Variants in DNAH7 observed in about 807,000 individuals in gnomAD.
The protein encoded by DNAH7 is axonemal beta dynein heavy chain 7.
Under a neutral mutation model 444.6 loss-of-function variants are expected in DNAH7, and 397 were observed. That is an observed-to-expected ratio of 0.89 (90% confidence interval 0.82 to 0.97). The LOEUF (loss-of-function observed/expected upper bound fraction) is 0.97, where lower values mean the gene tolerates loss of function less well. Among genes scored for constraint, DNAH7 ranks in the 50% least tolerant of loss-of-function variants. The probability of loss-of-function intolerance (pLI) is 0.00; values close to 1 mark genes in which losing one functional copy is unlikely to be tolerated. For synonymous variants in DNAH7, 1,636 were observed against 1,624.4 expected, an observed-to-expected ratio of 1.01 and a Z score of -0.17; for missense variants, 4,902 against 4,800.8, an observed-to-expected ratio of 1.02 and a Z score of -0.62.
intron 12 of DNAH7, chr2:195,994,569 TTG>T (rs878981168): frequency 1.4e-4 from 67 of 486,316 alleles, no homozygotes; most frequent in South Asian, 1.1e-3. Context: ...TTTCACTGGA[TTG>T]TGTGTTTCCA....
intron 15 of DNAH7, among the ~76,000 whole-genome samples, chr2:195,983,653 G>A (rs1692717861): frequency 6.6e-6 from 1 of 151,952 alleles, no homozygotes; most frequent in African/African-American, 2.4e-5. Flanking sequence ...GATTTGGAGG[G>A]GACAAGCATT....
chr2:195,840,885 A>G (rs1464848544), intron 47 of DNAH7, among the ~76,000 whole-genome samples: 1 of 151,884 alleles, frequency 6.6e-6, no homozygotes, highest in African/African-American at 2.4e-5. Flanking sequence ...CTTAGATTCA[A>G]TTAGTACCAA....
intron 15 of DNAH7, among the ~76,000 whole-genome samples, chr2:195,983,937 G>A (rs771068939): frequency 1.1e-4 from 17 of 152,166 alleles, no homozygotes; most frequent in African/African-American, 2.9e-4. Context: ...TAATTGTTGC[G>A]TGTTCTCAAA....
At chr2:195,775,104 C>G (rs1275643993) in intron 60 of DNAH7, among the ~76,000 whole-genome samples, 1 of 152,172 alleles carries the variant, frequency 6.6e-6, no homozygotes, top group African/African-American at 2.4e-5. Flanking sequence ...GTTCTGGTCT[C>G]TTTACCTCTG....
chr2:195,740,327 A>G (rs1028181153), intron 64 of DNAH7, among the ~76,000 whole-genome samples: 1 of 152,166 alleles, frequency 6.6e-6, no homozygotes, highest in South Asian at 2.1e-4. Context: ...TAGAGAAAAT[A>G]TTAGCTCATG....
chr2:195,910,829 T>C (rs901961221), intron 24 of DNAH7, among the ~76,000 whole-genome samples: 2 of 152,142 alleles, frequency 1.3e-5, no homozygotes, highest in Admixed American at 6.6e-5. Flanking sequence ...GAGTCAATTA[T>C]GGAAGAGACA....
chr2:195,824,017 C>G (rs1025306140), intron 49 of DNAH7, among the ~76,000 whole-genome samples: 3 of 152,060 alleles, frequency 2.0e-5, no homozygotes, highest in African/African-American at 7.2e-5. Context: ...AGAATCATAT[C>G]AATTGTAGAA....
At chr2:196,066,694 C>T (rs16844476) in intron 1 of DNAH7, among the ~76,000 whole-genome samples, 1 of 152,184 alleles carries the variant, frequency 6.6e-6, no homozygotes, top group South Asian at 2.1e-4. Flanking sequence ...ACTGCTATTC[C>T]TGAAAAATTC....
intron 1 of DNAH7, chr2:196,063,802 T>C (rs539099838): frequency 1.3e-5 from 2 of 152,366 alleles, no homozygotes; most frequent in South Asian, 2.1e-4. Flanking sequence ...CCAAAGGCAC[T>C]TGGCCAAAAT....
chr2:195,900,512 G>C lies in DNAH7; in HGVS notation c.4336-18C>G, dbSNP rs767895747. 4 of 1,607,934 alleles carry C rather than the reference G, an allele frequency of 2.5e-6. No individual in the cohort carries two copies. Among genetic ancestry groups the C allele is most frequent in the South Asian group, 1.1e-5 (1 of 90,872 alleles). ...AAGAGAGCCTATGGGTAGGTAGAAA[G>C]TTACTTTTAAAAGGATCATCATAAA... is the stretch of plus-strand genomic sequence containing the variant. On this transcript the variant is annotated intron_variant, in intron 27 of 64. Coordinates refer to ENST00000312428, the MANE Select transcript of DNAH7 (RefSeq NM_018897.3).
Position 195,862,991 on chromosome 2 carries a change from G to A in DNAH7, c.7507-1045C>T, listed in dbSNP as rs1043898837. 2.6e-5 allele frequency among the ~76,000 whole-genome samples: 4 copies of A among 152,262 alleles called. No individual in the cohort carries two copies. The South Asian group carries it at 8.3e-4, about 32-fold the overall frequency. ...GCAGAGGTTGCAGTGAGCCAAGATT[G>A]TACCACTGCACTCCAGCCAGGGTGA... On this transcript the variant is annotated intron_variant, in intron 41 of 64. Transcript: ENST00000312428.
intron 61 of DNAH7, among the ~76,000 whole-genome samples, chr2:195,768,454 A>G (rs1466467994): frequency 6.6e-6 from 1 of 151,908 alleles, no homozygotes; most frequent in East Asian, 1.9e-4. Flanking sequence ...GTATATTATC[A>G]TAACCACTGG....
At position 195,858,769 on chromosome 2, in the gene DNAH7, C is replaced by T. The variant is rs1171618413; in HGVS notation, c.7772G>A (p.Gly2591Asp). Residue 2591 changes from glycine to aspartate, a missense_variant, in exon 43 of 65, where the codon GGT (glycine) becomes GAT (aspartate). Coordinates refer to ENST00000312428, the MANE Select transcript of DNAH7 (RefSeq NM_018897.3). ...VMKMKKRYEV[G>D]LEKLDSASSQ... is the part of the protein sequence containing the mutation. Reference sequence around the variant, plus strand: ...TGAAGCAGAATCCAGTTTCTCCAAACCCACTTCATATCTCTTTTTCATTTT... The same window carrying T: ...TGAAGCAGAATCCAGTTTCTCCAAATCCACTTCATATCTCTTTTTCATTTT... 6.2e-7 allele frequency: 1 copy of T among 1,612,488 alleles called. No homozygotes were observed.
Position 196,010,717 on chromosome 2 carries a change from A to ATG in DNAH7, c.989+2068_989+2069dup, listed in dbSNP as rs912462445. ...TAGATAAAGAAAATATAGTGTGTGTATGTGTGTGTGTATAGTATATAAAAT... is the reference window on the plus strand; with the variant it reads ...TAGATAAAGAAAATATAGTGTGTGTATGTGTGTGTGTGTATAGTATATAAAAT... On this transcript the variant is annotated intron_variant, in intron 10 of 64. Transcript: ENST00000312428. Among the ~76,000 whole-genome samples the ATG allele has an allele frequency of 1.4e-4, 21 of 152,172 alleles. No individual in the cohort carries two copies. In the South Asian group the frequency reaches 2.9e-3, roughly 21 times the overall value.
chr2:195,955,770 G>T (rs571431751), intron 19 of DNAH7, among the ~76,000 whole-genome samples: 7 of 151,970 alleles, frequency 4.6e-5, no homozygotes, highest in Non-Finnish European at 8.8e-5. Flanking sequence ...CTAACTAAAA[G>T]AATACAAGTA....
At chr2:195,844,319 G>A (rs1159763236) in intron 47 of DNAH7, among the ~76,000 whole-genome samples, 5 of 152,052 alleles carry the variant, frequency 3.3e-5, no homozygotes, top group Non-Finnish European at 5.9e-5. Context: ...CTGTGCTATC[G>A]TTAACATGCT....
chr2:195,788,824 G>A (rs1055974580), intron 57 of DNAH7, among the ~76,000 whole-genome samples: 2 of 152,188 alleles, frequency 1.3e-5, no homozygotes, highest in Admixed American at 6.5e-5. Flanking sequence ...AAATATGTAT[G>A]TAGTATTTAT....
At chr2:195,825,510 T>C (rs1697699647) in intron 48 of DNAH7, among the ~76,000 whole-genome samples, 2 of 152,226 alleles carry the variant, frequency 1.3e-5, no homozygotes, top group Admixed American at 1.3e-4. Flanking sequence ...TTCTCTTTTT[T>C]AAACCAGTAT....
chr2:195,995,650 C>A (rs976196349), intron 12 of DNAH7: 4 of 221,450 alleles, frequency 1.8e-5, no homozygotes, highest in Middle Eastern at 1.4e-3. Flanking sequence ...GGGGTGAAGG[C>A]GGGCACCAGT....
Sources: gnomAD v4.1 joint callset for allele counts (sites outside exome capture counted in the v4.1 genomes callset) on GRCh38, gnomAD v4.1.1 for gene constraint, MANE v1.5 for transcripts, NCBI Gene and HGNC (gene_info 2026-07-23, HGNC 2026-07-21) for gene names.